PRC1: variants seen among roughly 807,000 people sequenced by gnomAD.
PRC1 encodes anaphase spindle elongation 1 homolog.
Under a neutral mutation model 91.2 loss-of-function variants are expected in PRC1, and 54 were observed. The observed-to-expected ratio is 0.59, with a 90% CI of 0.48 to 0.74. PRC1 has a LOEUF of 0.74. Among genes scored for constraint, PRC1 ranks in the 30% least tolerant of loss-of-function variants. The pLI is 0.00. For synonymous variants in PRC1, 275 were observed against 263.6 expected, an observed-to-expected ratio of 1.04 and a Z score of -0.42; for missense variants, 727 against 746.2, an observed-to-expected ratio of 0.97 and a Z score of 0.30.
intron 6 of PRC1, 43 bp downstream of exon 6, chr15:90,980,841 G>C: frequency 6.2e-7 from 1 of 1,612,622 alleles, no homozygotes; most frequent in Non-Finnish European, 8.5e-7. Flanking sequence ...ACACAGAAGT[G>C]CTAAGAGAAG....
At chr15:90,987,703 C>G (rs544152085) in intron 1 of PRC1, 1 of 152,226 alleles carries the variant, frequency 6.6e-6, no homozygotes, top group South Asian at 2.1e-4. Context: ...TCCAGTCGGC[C>G]GAGAAGCCTG....
In PRC1 at chr15:90,984,874, G is replaced by C. The variant is rs756501513; in HGVS notation, c.12-49C>G. 4 of 1,593,830 alleles carry C rather than the reference G, an allele frequency of 2.5e-6. No homozygotes were observed. Among genetic ancestry groups the C allele is most frequent in the Non-Finnish European group, 3.4e-6 (4 of 1,171,858 alleles). On this transcript the variant is annotated intron_variant, in intron 1 of 14. Transcript: ENST00000394249. This position sits in a 1 kb window ranked among gnomAD's most constrained non-coding sequence, Gnocchi z 5.1. ...GTTAGTTACATCAGTCACAGCCTCTGGACTAAAAGCACTATTTTCGAGAAC... is the reference window on the plus strand; with the variant it reads ...GTTAGTTACATCAGTCACAGCCTCTCGACTAAAAGCACTATTTTCGAGAAC...
At position 90,990,205 on chromosome 15, in the gene PRC1, G is replaced by A. The variant is rs567430272; in HGVS notation, c.11+4202C>T. The stretch of plus-strand genomic sequence containing the variant: ...ACAAAAATTAGCTGGGTGTGGTGGT[G>A]GGCACCTGTAATCTCAGCTACTCGG... On this transcript the variant is annotated intron_variant, in intron 1 of 14. Transcript: ENST00000394249. 5.3e-5 allele frequency among the ~76,000 whole-genome samples: 8 copies of A among 151,802 alleles called. No homozygotes were observed. The East Asian group carries it at 1.4e-3, about 26-fold the overall frequency.
chr15:90,993,143 G>A (rs1184672250), intron 1 of PRC1, among the ~76,000 whole-genome samples: 1 of 141,222 alleles, frequency 7.1e-6, no homozygotes, highest in Non-Finnish European at 1.5e-5. Flanking sequence ...TAAAGGGTAA[G>A]TTTTCTCCTG....
Position 90,979,308 on chromosome 15 carries a change from G to A in PRC1, c.971-14C>T. On this transcript the variant is annotated splice_polypyrimidine_tract_variant and intron_variant, in intron 7 of 14. Transcript: ENST00000394249. The stretch of plus-strand genomic sequence containing the variant: ...CTGTGTAGTCCTCTGCAAAATATAG[G>A]CCCAGTAGTTTAAAACAATTCCTCT... 6.2e-7 allele frequency: 1 copy of A among 1,600,818 alleles called. No homozygotes were observed. Among genetic ancestry groups the A allele is most frequent in the Non-Finnish European group, 8.5e-7 (1 of 1,175,774 alleles).
intron 8 of PRC1, among the ~76,000 whole-genome samples, chr15:90,977,576 G>GTTTTT (rs777558725): frequency 3.9e-4 from 37 of 95,478 alleles, no homozygotes; most frequent in Admixed American, 8.1e-4. Context: ...CCTTATTTAC[G>GTTTTT]TTTTTTTTTT....
At chr15:90,985,051 A>G (rs557012214) in intron 1 of PRC1, among the ~76,000 whole-genome samples, 1 of 152,344 alleles carries the variant, frequency 6.6e-6, no homozygotes, top group East Asian at 1.9e-4. Flanking sequence ...TGGAAGCTCA[A>G]CCTTCTGGAC....
rs920715287 is a variant in PRC1, at chr15:90,974,740, A to G, written c.1204-9T>C. The G allele has an allele frequency of 2.5e-6, 4 of 1,614,072 alleles. No homozygotes were observed. The highest frequency in any genetic ancestry group is 8.5e-7 in the Non-Finnish European group (1 of 1,180,008). On this transcript the variant is annotated splice_polypyrimidine_tract_variant and intron_variant, in intron 9 of 14. Coordinates refer to ENST00000394249, the MANE Select transcript of PRC1 (RefSeq NM_003981.4). This position sits in a 1 kb window ranked among gnomAD's most constrained non-coding sequence, Gnocchi z 4.6. ...TTCAACTCTTCTTCCAGCTGAGACCAGAAACAAGGACATGTTAATTACTTC... is the reference window on the plus strand; with the variant it reads ...TTCAACTCTTCTTCCAGCTGAGACCGGAAACAAGGACATGTTAATTACTTC...
chr15:90,975,828 A>G (rs904046233), intron 9 of PRC1, among the ~76,000 whole-genome samples: 159 of 152,042 alleles, frequency 1.0e-3, no homozygotes, highest in African/African-American at 1.6e-3. Flanking sequence ...TTGCGGGGGG[A>G]AAAAAGAAAG....
At chr15:90,975,420 T>C (rs1393994639) in intron 9 of PRC1, among the ~76,000 whole-genome samples, 3 of 152,186 alleles carry the variant, frequency 2.0e-5, no homozygotes, top group East Asian at 3.8e-4. Context: ...TTTCCTCGTC[T>C]GTAAAAATGG....
rs1305632438 is a variant in PRC1 at position 90,979,257 on chromosome 15, A to G, written c.1008T>C (p.Ala336=). Residue 336 remains alanine, a synonymous_variant, in exon 8 of 15, where the codon GCT becomes GCC. Coordinates refer to ENST00000394249, the MANE Select transcript of PRC1 (RefSeq NM_003981.4). ...AGTAGTTTTTTAACCGCACAATCTC[A>G]GCATCGTGGAGCTGGAGCAGACTTT... is the stretch of plus-strand genomic sequence containing the variant. ...YTESLLQLHD[A]EIVRLKNYYE... The G allele has an allele frequency of 3.1e-6, 5 of 1,613,784 alleles. No individual in the cohort carries two copies. In the African/African-American group the frequency reaches 6.7e-5, roughly 22 times the overall value.
At chr15:90,990,904 G>C (rs1353624979) in intron 1 of PRC1, among the ~76,000 whole-genome samples, 1 of 151,484 alleles carries the variant, frequency 6.6e-6, no homozygotes, top group Non-Finnish European at 1.5e-5. Context: ...TCAGCCTCCT[G>C]AGTAGCTGGG....
In PRC1 at chr15:90,991,869, T is replaced by C. The variant is rs1252013164; in HGVS notation, c.11+2538A>G. Among the ~76,000 whole-genome samples, 4 of 152,066 alleles carry C rather than the reference T, an allele frequency of 2.6e-5. No individual in the cohort carries two copies. The East Asian group carries it at 7.7e-4, about 29-fold the overall frequency. The stretch of plus-strand genomic sequence containing the variant: ...AACACAGGAGCCCCAAGTCCTAATC[T>C]TCTACTCAGAACCCTCCAACGACTT... On this transcript the variant is annotated intron_variant, in intron 1 of 14. Coordinates refer to ENST00000394249, the MANE Select transcript of PRC1 (RefSeq NM_003981.4).
intron 8 of PRC1, among the ~76,000 whole-genome samples, chr15:90,978,389 G>A (rs976530588): frequency 9.3e-5 from 14 of 151,176 alleles, no homozygotes; most frequent in African/African-American, 3.4e-4. Flanking sequence ...TGTGAAGAGA[G>A]CCGGGAAGAG....
In PRC1 at chr15:90,984,583, C is replaced by T; in HGVS notation, c.144+110G>A. On this transcript the variant is annotated intron_variant, in intron 2 of 14. Coordinates refer to ENST00000394249, the MANE Select transcript of PRC1 (RefSeq NM_003981.4). This position sits in a 1 kb window ranked among gnomAD's most constrained non-coding sequence, Gnocchi z 5.1. ...CCAAACCAAACCAAACAGGAAGAGC[C>T]TGTGCTATCCTAATGCCGATGATCA... is the stretch of plus-strand genomic sequence containing the variant. 2 of 1,460,196 alleles carry T rather than the reference C, an allele frequency of 1.4e-6. No homozygotes were observed. The highest frequency in any genetic ancestry group is 9.2e-7 in the Non-Finnish European group (1 of 1,081,200). The allele number at this position is 1,460,196 out of a possible 1,614,324, so 90.5% of individuals were successfully genotyped here. A position where few individuals can be genotyped will look rare whatever the true frequency, so the allele number is the denominator to read the frequency against.
Position 90,980,904 on chromosome 15 carries a change from T to C in PRC1, c.802A>G (p.Lys268Glu), listed in dbSNP as rs781489628. ...CTTACCGCTTTCCGGACCTTGGCCT[T>C]TGACCCAGACATAATGGTGGCCACA... Reference protein sequence around the residue: ...EAVATIMSGSKAKVRKALQLE... With the variant: ...EAVATIMSGSEAKVRKALQLE... The change falls in exon 6 of 15, where the codon AAG (lysine) becomes GAG (glutamate). Residue 268 changes from lysine (K) to glutamate (E), a missense_variant. Transcript: ENST00000394249. 3 of 1,614,238 alleles carry C rather than the reference T, an allele frequency of 1.9e-6. No homozygotes were observed. Among genetic ancestry groups the C allele is most frequent in the Non-Finnish European group, 2.5e-6 (3 of 1,180,040 alleles).
At chr15:90,973,725 G>A (rs1258718005) in intron 11 of PRC1, among the ~76,000 whole-genome samples, 1 of 152,128 alleles carries the variant, frequency 6.6e-6, no homozygotes, top group Admixed American at 6.5e-5. Flanking sequence ...AGATGTTTGG[G>A]TGGGGAGAAG....
intron 1 of PRC1, 49 bp downstream of exon 1, chr15:90,994,358 A>AT: frequency 1.9e-6 from 3 of 1,611,748 alleles, no homozygotes; most frequent in Non-Finnish European, 2.5e-6. Flanking sequence ...CGCAGCCGAA[A>AT]CGAGCGTCGC....
chr15:90,976,530 G>A (rs1248719365), intron 9 of PRC1, 146 bp downstream of exon 9: 7 of 640,916 alleles, frequency 1.1e-5, no homozygotes, highest in East Asian at 8.9e-5. Context: ...TTGATATGGA[G>A]TTGCTTATAC....
Sources: allele counts gnomAD v4.1 joint callset (sites outside exome capture counted in the v4.1 genomes callset), GRCh38; gene constraint gnomAD v4.1.1; non-coding constraint Gnocchi (gnomAD v3.1); transcripts MANE v1.5; gene names NCBI Gene and HGNC (gene_info 2026-07-23, HGNC 2026-07-21).